The following PLCE1 variants were observed in gnomAD, a reference collection of about 807,000 sequenced individuals.
PLCE1 encodes phospholipase C epsilon 1, also known as 1-phosphatidylinositol 4,5-bisphosphate phosphodiesterase epsilon-1.
In PLCE1, 119 loss-of-function variants were observed where a neutral mutation model predicts 242.8. The observed-to-expected ratio is 0.49, with a 90% CI of 0.42 to 0.57. The LOEUF (loss-of-function observed/expected upper bound fraction) is 0.57, where lower values mean the gene tolerates loss of function less well. Ranked by LOEUF, PLCE1 falls within the 20% of genes least tolerant of loss-of-function variation. PLCE1 has a pLI of 0.00. For missense variants in PLCE1, 2,441 were observed against 2,788.8 expected (o/e 0.88, Z 2.81); for synonymous variants, 945 against 1,017.4 (o/e 0.93, Z 1.35).
chr10:94,181,598 TAAAATA>T (rs2048313434), intron 4 of PLCE1, among the ~76,000 whole-genome samples: 1 of 150,798 alleles, frequency 6.6e-6, no homozygotes, highest in Non-Finnish European at 1.5e-5. Context: ...TAAAATAAAA[TAAAATA>T]AAAAGATAAA....
At chr10:94,121,930 A>G (rs1032894330) in intron 2 of PLCE1, among the ~76,000 whole-genome samples, 4 of 152,164 alleles carry the variant, frequency 2.6e-5, no homozygotes, top group African/African-American at 9.7e-5. Context: ...CACACTGGAC[A>G]TTTCCAGCTG....
At chr10:94,046,766 T>C (rs2061892705) in intron 2 of PLCE1, among the ~76,000 whole-genome samples, 1 of 152,206 alleles carries the variant, frequency 6.6e-6, no homozygotes, top group East Asian at 1.9e-4. Context: ...CACTTACTAT[T>C]TATAGCTCTG....
Position 94,236,068 on chromosome 10 carries a change from A to G in PLCE1, c.2368A>G (p.Ser790Gly), listed in dbSNP as rs777451047. ...GGAGACAGACGAGGAGGACAGCCCC[A>G]GTGAAGGAAACAGCTCCAGGAAAAG... ...SLETDEEDSP[S>G]EGNSSRKSSL... The change falls in exon 7 of 33, where the codon AGT (serine) becomes GGT (glycine). Residue 790 changes from serine (S) to glycine (G), a missense_variant. Coordinates refer to ENST00000371380, the MANE Select transcript of PLCE1 (RefSeq NM_016341.4). 3.1e-6 allele frequency: 5 copies of G among 1,614,092 alleles called. No homozygotes were observed. The highest frequency in any genetic ancestry group is 4.2e-6 in the Non-Finnish European group (5 of 1,179,996).
chr10:94,134,148 C>T (rs910194843), intron 3 of PLCE1, among the ~76,000 whole-genome samples: 4 of 151,498 alleles, frequency 2.6e-5, no homozygotes, highest in Admixed American at 1.3e-4. Context: ...TCACCCAGGC[C>T]GGAGTGCAGT....
intron 18 of PLCE1, among the ~76,000 whole-genome samples, chr10:94,272,043 T>G (rs1273814715): frequency 2.6e-5 from 4 of 152,186 alleles, no homozygotes; most frequent in Admixed American, 1.3e-4. Flanking sequence ...GATAAGGGTC[T>G]ACGTTCAGCG....
At chr10:94,220,945 G>C (rs540774971) in intron 4 of PLCE1, among the ~76,000 whole-genome samples, 1 of 152,316 alleles carries the variant, frequency 6.6e-6, no homozygotes, top group Non-Finnish European at 1.5e-5. Flanking sequence ...CCTCCCTCCA[G>C]CTTCCCCTTG....
intron 4 of PLCE1, among the ~76,000 whole-genome samples, chr10:94,197,323 G>A (rs2048851584): frequency 6.6e-6 from 1 of 152,144 alleles, no homozygotes; most frequent in African/African-American, 2.4e-5. Flanking sequence ...TTGAGCATAT[G>A]TTTTTATTTA....
intron 22 of PLCE1, among the ~76,000 whole-genome samples, chr10:94,290,860 G>A (rs1045571646): frequency 6.6e-6 from 1 of 152,062 alleles, no homozygotes; most frequent in Non-Finnish European, 1.5e-5. Context: ...ACTTCTATAT[G>A]ACTGGCAGTG....
intron 11 of PLCE1, among the ~76,000 whole-genome samples, chr10:94,256,480 A>G (rs372376480): frequency 2.6e-5 from 4 of 152,256 alleles, no homozygotes; most frequent in African/African-American, 9.6e-5. Flanking sequence ...ACATTCTACA[A>G]TGGGTGAGCA....
intron 22 of PLCE1, among the ~76,000 whole-genome samples, chr10:94,291,637 G>A (rs1281778929): frequency 2.0e-5 from 3 of 152,152 alleles, no homozygotes; most frequent in African/African-American, 7.2e-5. Context: ...TAGCAATAAA[G>A]TATCTAGTGT....
chr10:94,156,799 C>T (rs976443974), intron 3 of PLCE1, among the ~76,000 whole-genome samples: 1 of 152,018 alleles, frequency 6.6e-6, no homozygotes, highest in Non-Finnish European at 1.5e-5. Flanking sequence ...CAAAAGTTAC[C>T]TCATTAGAAC....
chr10:94,041,612 C>A (rs964724716), intron 2 of PLCE1, among the ~76,000 whole-genome samples: 1 of 152,156 alleles, frequency 6.6e-6, no homozygotes. Context: ...ACACGCCTCC[C>A]GATCTCAAGA....
chr10:94,019,681 CTACTTAATTT>C (rs2061343456), intron 1 of PLCE1, among the ~76,000 whole-genome samples: 1 of 152,170 alleles, frequency 6.6e-6, no homozygotes, highest in African/African-American at 2.4e-5. Flanking sequence ...TTTAAAAATT[CTACTTAATTT>C]TACTTAATTT....
At chr10:94,134,870 T>G (rs989649286) in intron 3 of PLCE1, among the ~76,000 whole-genome samples, 1 of 152,212 alleles carries the variant, frequency 6.6e-6, no homozygotes, top group Non-Finnish European at 1.5e-5. Context: ...TATGCAAGAG[T>G]TGGAAGTTTC....
At chr10:94,297,155 A>G (rs1172240374) in intron 23 of PLCE1, among the ~76,000 whole-genome samples, 3 of 152,174 alleles carry the variant, frequency 2.0e-5, no homozygotes, top group African/African-American at 4.8e-5. Context: ...GGCATGAGCC[A>G]CCGTGACCAG....
intron 30 of PLCE1, among the ~76,000 whole-genome samples, chr10:94,322,420 G>A (rs929754819): frequency 6.6e-6 from 1 of 152,046 alleles, no homozygotes; most frequent in South Asian, 2.1e-4. Context: ...GGAGGCTGAG[G>A]GGGGCAGATC....
Position 94,246,612 on chromosome 10 carries a change from C to T in PLCE1, c.3087C>T (p.Ser1029=). 1 of 1,613,768 alleles carries T rather than the reference C, an allele frequency of 6.2e-7. No homozygotes were observed. The highest frequency in any genetic ancestry group is 1.7e-5 in the Admixed American group (1 of 60,026). Residue 1029 remains serine (S), a synonymous_variant, in exon 8 of 33, where the codon AGC becomes AGT. Coordinates refer to ENST00000371380, the MANE Select transcript of PLCE1 (RefSeq NM_016341.4). ...AGTGGCTGCGGAAACAGTACGTCAG[C>T]CTTTATCAGGTAAGGGGTGCAGCCA... ...RQQWLRKQYV[S]LYQEDGRYEG...
At chr10:94,120,097 G>A (rs1271391389) in intron 2 of PLCE1, among the ~76,000 whole-genome samples, 1 of 151,976 alleles carries the variant, frequency 6.6e-6, no homozygotes, top group Non-Finnish European at 1.5e-5. Flanking sequence ...CACTAGGCTG[G>A]GCTTTCCTAC....
At chr10:94,152,124 C>G (rs1218195152) in intron 3 of PLCE1, among the ~76,000 whole-genome samples, 1 of 152,064 alleles carries the variant, frequency 6.6e-6, no homozygotes, top group African/African-American at 2.4e-5. Flanking sequence ...TGACTAAGTC[C>G]TCAAACCAAA....
Sources: gnomAD v4.1 joint callset for allele counts (sites outside exome capture counted in the v4.1 genomes callset) on GRCh38, gnomAD v4.1.1 for gene constraint, MANE v1.5 for transcripts, NCBI Gene and HGNC (gene_info 2026-07-23, HGNC 2026-07-21) for gene names.